Variants in KSR2 observed in about 807,000 individuals in gnomAD.
KSR2 encodes the protein kinase suppressor of ras 2.
KSR2 carries 25 observed loss-of-function variants against 107.8 expected under a neutral mutation model. That is an observed-to-expected ratio of 0.23 (90% CI 0.17 to 0.32). The LOEUF is 0.32. KSR2 is among the 10% of genes least tolerant of loss of function. The pLI is 1.00. For synonymous variants in KSR2, 480 were observed against 507.0 expected, an observed-to-expected ratio of 0.95 and a Z score of 0.71; for missense variants, 887 against 1,268.9, an observed-to-expected ratio of 0.70 and a Z score of 4.57.
At chr12:117,691,182 G>A (rs1885796607) in intron 4 of KSR2, among the ~76,000 whole-genome samples, 1 of 152,172 alleles carries the variant, frequency 6.6e-6, no homozygotes, top group South Asian at 2.1e-4. Context: ...GGATTTTAGA[G>A]GAGAAACAAA....
Position 117,802,938 on chromosome 12 carries a change from T to TCA in KSR2, c.473-41415_473-41414insTG, listed in dbSNP as rs1376868239. 2.6e-5 allele frequency among the ~76,000 whole-genome samples: 4 copies of TCA among 152,258 alleles called. No homozygotes were observed. The East Asian group carries it at 5.8e-4, about 22-fold the overall frequency. On this transcript the variant is annotated intron_variant, in intron 3 of 19. Coordinates refer to ENST00000339824, the MANE Select transcript of KSR2 (RefSeq NM_173598.6). ...GGATTTTTCAGGCAGGCTTCATTACTGTGCCTCGGTGCCATTTGACTGATA... is the reference window on the plus strand; with the variant it reads ...GGATTTTTCAGGCAGGCTTCATTACTCAGTGCCTCGGTGCCATTTGACTGATA...
intron 3 of KSR2, among the ~76,000 whole-genome samples, chr12:117,802,590 G>C (rs921423221): frequency 6.6e-5 from 10 of 152,158 alleles, no homozygotes; most frequent in African/African-American, 2.4e-4. Flanking sequence ...TAATAGCACT[G>C]ATATCTGGGG....
intron 5 of KSR2, among the ~76,000 whole-genome samples, chr12:117,605,640 T>C (rs1411345830): frequency 6.6e-6 from 1 of 152,144 alleles, no homozygotes; most frequent in Non-Finnish European, 1.5e-5. Context: ...CCCAAAGGAA[T>C]AGAAATCATT....
intron 5 of KSR2, among the ~76,000 whole-genome samples, chr12:117,589,928 G>T (rs575549843): frequency 7.2e-5 from 11 of 152,288 alleles, no homozygotes; most frequent in African/African-American, 2.6e-4. Context: ...GGCTATGGAG[G>T]CTTCCCTGGA....
rs1326564612 is a variant in KSR2, at chr12:117,466,879, T to G, written c.*320A>C. On this transcript the variant is annotated 3_prime_UTR_variant, in exon 20 of 20. Coordinates refer to ENST00000339824, the MANE Select transcript of KSR2 (RefSeq NM_173598.6). ...CCCCCCCACGTGGGGTCTCCTGTCCTAGTCCCATAGCCCAAAGGCACCACG... is the reference window on the plus strand; with the variant it reads ...CCCCCCCACGTGGGGTCTCCTGTCCGAGTCCCATAGCCCAAAGGCACCACG... 3.0e-6 allele frequency: 1 copy of G among 334,214 alleles called. No individual in the cohort carries two copies. Among genetic ancestry groups the G allele is most frequent in the East Asian group, 4.5e-5 (1 of 22,308 alleles). 20.7% of individuals were successfully genotyped at this position (334,214 alleles called of 1,614,324 possible).
At chr12:117,759,434 C>T (rs1324846366) in intron 4 of KSR2, among the ~76,000 whole-genome samples, 1 of 152,176 alleles carries the variant, frequency 6.6e-6, no homozygotes, top group Non-Finnish European at 1.5e-5. Context: ...AAAAAGTGTG[C>T]CAACCCTTCA....
chr12:117,822,232 T>A (rs1891588030), intron 3 of KSR2, among the ~76,000 whole-genome samples: 1 of 152,216 alleles, frequency 6.6e-6, no homozygotes, highest in Admixed American at 6.5e-5. Flanking sequence ...CCCTTGGGGC[T>A]GCTCTGTCTA....
At chr12:117,667,409 C>G (rs1032853366) in intron 5 of KSR2, 65 bp downstream of exon 5, 1 of 1,453,858 alleles carries the variant, frequency 6.9e-7, no homozygotes, top group African/African-American at 1.4e-5. Flanking sequence ...CAGAGGACAG[C>G]AGGTGCTGGG....
At chr12:117,741,536 C>G (rs1241952623) in intron 4 of KSR2, among the ~76,000 whole-genome samples, 1 of 151,996 alleles carries the variant, frequency 6.6e-6, no homozygotes, top group Non-Finnish European at 1.5e-5. Context: ...TAAAAACAAA[C>G]ATAAACAAAC....
intron 5 of KSR2, among the ~76,000 whole-genome samples, chr12:117,659,753 G>A (rs1884345450): frequency 6.6e-6 from 1 of 152,174 alleles, no homozygotes; most frequent in African/African-American, 2.4e-5. Context: ...ATCTATCCTA[G>A]AACAGAGATT....
chr12:117,456,101 T>C lies in KSR2; in HGVS notation c.*11098A>G, dbSNP rs1320811323. 1 of 152,208 alleles carries C rather than the reference T, an allele frequency of 6.6e-6. No homozygotes were observed. The highest frequency in any genetic ancestry group is 1.5e-5 in the Non-Finnish European group (1 of 68,056). The allele number at this position is 152,208 out of a possible 1,614,324, so 9.4% of individuals were successfully genotyped here. A position where few individuals can be genotyped will look rare whatever the true frequency, so the allele number is the denominator to read the frequency against. ...ACAATCTATGATATTCCTTGATAGG[T>C]TAGGACCGCAGAGGCCCTCAGGAGG... On this transcript the variant is annotated 3_prime_UTR_variant, in exon 20 of 20. Transcript: ENST00000339824.
At chr12:117,541,204 G>A (rs1235059498) in intron 9 of KSR2, among the ~76,000 whole-genome samples, 1 of 145,540 alleles carries the variant, frequency 6.9e-6, no homozygotes, top group Non-Finnish European at 1.5e-5. Context: ...TAGGCAGGGA[G>A]GAACAGTAGC....
At chr12:117,472,422 G>A (rs1871518494) in intron 17 of KSR2, among the ~76,000 whole-genome samples, 1 of 152,166 alleles carries the variant, frequency 6.6e-6, no homozygotes, top group East Asian at 1.9e-4. Context: ...GGGTGTCACT[G>A]AGCTGTATCA....
intron 12 of KSR2, among the ~76,000 whole-genome samples, chr12:117,527,950 A>AGTGTGTGTGTGTGTGTGTGT (rs10664320): frequency 7.0e-6 from 1 of 142,620 alleles, no homozygotes; most frequent in African/African-American, 2.6e-5. Context: ...GGAAGACACA[A>AGTGTGTGTGTGTGTGTGTGT]GTGTGTGTGT....
Position 117,761,215 on chromosome 12 carries a change from G to A in KSR2, c.782C>T (p.Pro261Leu), listed in dbSNP as rs1354361499. ...GGTGACGATGTTGGGGGTGCGCGGC[G>A]GGGTGCGGACCGCGTGCCGCTGCCG... ...SPRQRHAVRT[P>L]PRTPNIVTTV... Residue 261 changes from proline to leucine, a missense_variant, in exon 4 of 20, where the codon CCG becomes CTG. Pro to Leu is a moderately conservative substitution (Grantham distance 98). This residue lies in a region of KSR2 where 399 missense variants were observed against 479.5 expected (regional missense o/e 0.83). Coordinates refer to ENST00000339824, the MANE Select transcript of KSR2 (RefSeq NM_173598.6). 5.1e-6 allele frequency: 8 copies of A among 1,565,480 alleles called. No individual in the cohort carries two copies. Among genetic ancestry groups the A allele is most frequent in the African/African-American group, 1.4e-5 (1 of 73,574 alleles).
chr12:117,683,191 A>T (rs1388318498), intron 4 of KSR2, among the ~76,000 whole-genome samples: 1 of 152,170 alleles, frequency 6.6e-6, no homozygotes, highest in Admixed American at 6.5e-5. Flanking sequence ...ATTTTTAGTT[A>T]TATAGTAGTC....
intron 3 of KSR2, among the ~76,000 whole-genome samples, chr12:117,836,342 C>T (rs1436973403): frequency 1.3e-5 from 2 of 152,126 alleles, no homozygotes; most frequent in African/African-American, 2.4e-5. Context: ...GGAGGCAGAA[C>T]AGGCAATGCC....
chr12:117,681,125 C>A (rs1885347963), intron 4 of KSR2, among the ~76,000 whole-genome samples: 1 of 152,050 alleles, frequency 6.6e-6, no homozygotes, highest in South Asian at 2.1e-4. Flanking sequence ...CAAAAATTAG[C>A]CAGGCATGGT....
intron 3 of KSR2, among the ~76,000 whole-genome samples, chr12:117,800,380 G>T (rs1159885753): frequency 6.6e-6 from 1 of 151,548 alleles, no homozygotes; most frequent in Non-Finnish European, 1.5e-5. Context: ...TAATTATTCT[G>T]CCCCCCCCAA....
Sources: allele counts gnomAD v4.1 joint callset (sites outside exome capture counted in the v4.1 genomes callset), GRCh38; gene constraint gnomAD v4.1.1; regional missense constraint gnomAD v4.1.1; transcripts MANE v1.5; gene names NCBI Gene and HGNC (gene_info 2026-07-23, HGNC 2026-07-21).